Variants in PARM1 observed in about 807,000 individuals in gnomAD.
The protein encoded by PARM1 is WSC4, cell wall integrity and stress response component 4 homolog.
Under a neutral mutation model 24.6 loss-of-function variants are expected in PARM1, and 14 were observed. The ratio of observed to expected loss-of-function variants is 0.57; its 90% confidence interval spans 0.38 to 0.89. PARM1 has a LOEUF of 0.89. Ranked by LOEUF, PARM1 falls within the 40% of genes least tolerant of loss-of-function variation. PARM1 has a pLI of 0.00. For missense variants in PARM1, 362 were observed against 380.4 expected (o/e 0.95, Z 0.40); for synonymous variants, 179 against 156.6 (o/e 1.14, Z -1.07).
intron 1 of PARM1, among the ~76,000 whole-genome samples, chr4:74,999,709 A>G (rs538926875): frequency 2.0e-5 from 3 of 152,214 alleles, no homozygotes; most frequent in African/African-American, 7.2e-5. Flanking sequence ...ATGGTATGAT[A>G]GAATGCCATT....
intron 1 of PARM1, among the ~76,000 whole-genome samples, chr4:74,951,353 C>T (rs1368985255): frequency 6.6e-6 from 1 of 152,170 alleles, no homozygotes; most frequent in East Asian, 1.9e-4. Flanking sequence ...AAATAGCCTC[C>T]TGCACTTTTT....
intron 1 of PARM1, among the ~76,000 whole-genome samples, chr4:75,003,436 A>G (rs1355623340): frequency 6.6e-6 from 1 of 152,212 alleles, no homozygotes; most frequent in Non-Finnish European, 1.5e-5. Flanking sequence ...TGATATGATT[A>G]GAACTGATTT....
intron 1 of PARM1, among the ~76,000 whole-genome samples, chr4:75,003,412 C>T (rs1722717060): frequency 2.0e-5 from 3 of 151,964 alleles, no homozygotes; most frequent in Non-Finnish European, 4.4e-5. Context: ...TTCACAGCAC[C>T]GTGGGGAGCC....
At chr4:74,959,602 G>A (rs1244081188) in intron 1 of PARM1, among the ~76,000 whole-genome samples, 1 of 152,122 alleles carries the variant, frequency 6.6e-6, no homozygotes, top group Non-Finnish European at 1.5e-5. Context: ...GGAACGTTTT[G>A]TATCAGCAGC....
At chr4:75,024,322 T>A (rs1723142951) in intron 2 of PARM1, among the ~76,000 whole-genome samples, 1 of 152,056 alleles carries the variant, frequency 6.6e-6, no homozygotes, top group Non-Finnish European at 1.5e-5. Context: ...TAAGGCTAAA[T>A]TTAGCTAGTG....
chr4:74,950,980 G>A (rs1426270813), intron 1 of PARM1, among the ~76,000 whole-genome samples: 1 of 152,130 alleles, frequency 6.6e-6, no homozygotes, highest in African/African-American at 2.4e-5. Context: ...ATGGAGGGAG[G>A]AAATGCCATC....
intron 1 of PARM1, among the ~76,000 whole-genome samples, chr4:74,999,350 C>T (rs1722634779): frequency 6.6e-6 from 1 of 152,176 alleles, no homozygotes; most frequent in African/African-American, 2.4e-5. Flanking sequence ...TTCCTTTCAG[C>T]ATGCTTGACA....
In PARM1 at chr4:74,933,266, C is replaced by A; in HGVS notation, c.-62C>A. Reference sequence around the variant, plus strand: ...GGAGTCGCTACCAGCGCCCAGTGCGCTCTGTCAGTCCGCAAACTCCTTGCC... The same window carrying A: ...GGAGTCGCTACCAGCGCCCAGTGCGATCTGTCAGTCCGCAAACTCCTTGCC... On this transcript the variant is annotated 5_prime_UTR_variant, in exon 1 of 4. Transcript: ENST00000307428. 2 of 1,477,056 alleles carry A rather than the reference C, an allele frequency of 1.4e-6. No individual in the cohort carries two copies. Among genetic ancestry groups the A allele is most frequent in the Non-Finnish European group, 1.9e-6 (2 of 1,060,684 alleles). 91.5% of individuals were successfully genotyped at this position (1,477,056 alleles called of 1,614,324 possible). A position where few individuals can be genotyped will look rare whatever the true frequency, so the allele number is the denominator to read the frequency against.
intron 1 of PARM1, among the ~76,000 whole-genome samples, chr4:74,968,699 T>G (rs1721961731): frequency 6.6e-6 from 1 of 152,212 alleles, no homozygotes; most frequent in African/African-American, 2.4e-5. Context: ...CACTCATTCA[T>G]TGCATTTTTT....
rs1225318866 is a variant in PARM1, at chr4:74,995,202, AAGAG to A, written c.44-17220_44-17217del. Reference sequence around the variant, plus strand: ...TTGGGAGCCTTATAAGATTTGAAAAAAGAGAGTGACATTATGAAAGATGTCTTTA... The same window carrying A: ...TTGGGAGCCTTATAAGATTTGAAAAAAGTGACATTATGAAAGATGTCTTTA... On this transcript the variant is annotated intron_variant, in intron 1 of 3. Transcript: ENST00000307428. Among the ~76,000 whole-genome samples the A allele has an allele frequency of 2.0e-5, 3 of 152,270 alleles. No homozygotes were observed. The East Asian group carries it at 5.8e-4, about 29-fold the overall frequency.
At chr4:74,949,702 C>T (rs890875505) in intron 1 of PARM1, among the ~76,000 whole-genome samples, 7 of 152,124 alleles carry the variant, frequency 4.6e-5, no homozygotes, top group Non-Finnish European at 7.4e-5. Context: ...GGCCAATAAA[C>T]ATGAGTTGTC....
intron 1 of PARM1, among the ~76,000 whole-genome samples, chr4:74,981,556 G>A (rs1722256341): frequency 6.6e-6 from 1 of 152,128 alleles, no homozygotes. Context: ...CAACCATTAT[G>A]GAAGACAATG....
intron 2 of PARM1, among the ~76,000 whole-genome samples, chr4:75,023,788 A>G (rs1723130471): frequency 6.6e-6 from 1 of 152,206 alleles, no homozygotes; most frequent in African/African-American, 2.4e-5. Context: ...TGGGGGAAAA[A>G]AGGCTGAGCT....
At chr4:74,968,651 T>C (rs1449188180) in intron 1 of PARM1, among the ~76,000 whole-genome samples, 4 of 152,224 alleles carry the variant, frequency 2.6e-5, no homozygotes, top group Non-Finnish European at 2.9e-5. Flanking sequence ...GTCAGTTGTC[T>C]ATTGTGCTTT....
intron 1 of PARM1, among the ~76,000 whole-genome samples, chr4:74,985,793 G>A (rs997792377): frequency 6.6e-6 from 1 of 152,086 alleles, no homozygotes; most frequent in Non-Finnish European, 1.5e-5. Flanking sequence ...TTTTGAGATG[G>A]AGTCACACTC....
intron 1 of PARM1, among the ~76,000 whole-genome samples, chr4:74,969,193 TA>T (rs1374913994): frequency 6.6e-6 from 1 of 152,156 alleles, no homozygotes; most frequent in Non-Finnish European, 1.5e-5. Flanking sequence ...CTTTCTCACT[TA>T]CAGAAGTACC....
intron 2 of PARM1, among the ~76,000 whole-genome samples, chr4:75,020,120 G>T (rs10049552): frequency 0.32 from 48,050 of 151,598 alleles, 9,467 homozygotes; most frequent in South Asian, 0.46. Context: ...TAGGTTAAAG[G>T]GGAAAACAAT....
chr4:74,974,170 G>A (rs185079417), intron 1 of PARM1, among the ~76,000 whole-genome samples: 24 of 152,292 alleles, frequency 1.6e-4, no homozygotes, highest in African/African-American at 4.6e-4. Context: ...GTTCAGGCTC[G>A]CCACGGATTG....
chr4:74,977,374 A>G (rs980173487), intron 1 of PARM1, among the ~76,000 whole-genome samples: 3 of 152,238 alleles, frequency 2.0e-5, no homozygotes, highest in South Asian at 2.1e-4. Flanking sequence ...CTTGAAGACT[A>G]TCTTCTGAAA....
Sources: allele counts gnomAD v4.1 joint callset (sites outside exome capture counted in the v4.1 genomes callset), GRCh38; gene constraint gnomAD v4.1.1; transcripts MANE v1.5; gene names NCBI Gene and HGNC (gene_info 2026-07-23, HGNC 2026-07-21).